The following MTCL3 variants were observed in gnomAD, a reference collection of about 807,000 sequenced individuals.
MTCL3 encodes the protein microtubule cross-linking factor 3.
At chr6:127,485,643 T>C in the MTCL3 span, among the ~76,000 whole-genome samples, 2 of 152,148 alleles carry the variant, frequency 1.3e-5, no homozygotes, top group Admixed American at 1.3e-4. Flanking sequence ...TCTTTGTGTT[T>C]CATTCATTTC....
At chr6:127,500,933 T>C in the MTCL3 span, among the ~76,000 whole-genome samples, 1 of 152,156 alleles carries the variant, frequency 6.6e-6, no homozygotes, top group African/African-American at 2.4e-5. Context: ...TGCCTCAGCC[T>C]CCCAAGTAGC....
chr6:127,502,301 T>G, the MTCL3 span, among the ~76,000 whole-genome samples: 3 of 152,262 alleles, frequency 2.0e-5, no homozygotes, highest in African/African-American at 7.2e-5. Context: ...GAAGCATATT[T>G]ATCTAGCAGT....
the MTCL3 span, among the ~76,000 whole-genome samples, chr6:127,494,886 G>A: frequency 6.6e-6 from 1 of 152,048 alleles, no homozygotes; most frequent in Non-Finnish European, 1.5e-5. Flanking sequence ...TTAAGACTGG[G>A]ATATTTCTCA....
At chr6:127,513,737 A>G in the MTCL3 span, among the ~76,000 whole-genome samples, 1 of 152,154 alleles carries the variant, frequency 6.6e-6, no homozygotes, top group East Asian at 1.9e-4. Context: ...GACTGAGTGG[A>G]GAGTCAGCCT....
At chr6:127,481,352 CAG>C in the MTCL3 span, 13 of 985,304 alleles carry the variant, frequency 1.3e-5, no homozygotes, top group South Asian at 4.2e-4. Context: ...GCTGTAGTGA[CAG>C]AGTATATTTG....
the MTCL3 span, among the ~76,000 whole-genome samples, chr6:127,507,350 G>A: frequency 6.6e-6 from 1 of 152,076 alleles, no homozygotes; most frequent in Non-Finnish European, 1.5e-5. Context: ...ATGCTGTCCT[G>A]TATTTTTATG....
the MTCL3 span, among the ~76,000 whole-genome samples, chr6:127,503,392 G>A: frequency 2.6e-5 from 4 of 152,184 alleles, no homozygotes; most frequent in African/African-American, 9.7e-5. Flanking sequence ...AGCCACTGCA[G>A]CCCTGGGGTA....
the MTCL3 span, chr6:127,473,023 GA>G: frequency 1.8e-5 from 16 of 908,456 alleles, no homozygotes; most frequent in Non-Finnish European, 2.1e-5. Context: ...CAAACAGGAT[GA>G]AAAAAAGAAG....
At chr6:127,500,875 G>T in the MTCL3 span, among the ~76,000 whole-genome samples, 1 of 152,002 alleles carries the variant, frequency 6.6e-6, no homozygotes, top group Non-Finnish European at 1.5e-5. Context: ...GCAGTGGTGC[G>T]ATCTCAGCTC....
At chr6:127,493,218 C>T in the MTCL3 span, among the ~76,000 whole-genome samples, 46,826 of 151,974 alleles carry the variant, frequency 0.31, 7,817 homozygotes, top group Middle Eastern at 0.39. Flanking sequence ...TGTAAATTTA[C>T]AGAGTTGAAG....
chr6:127,497,820 A>G, the MTCL3 span, among the ~76,000 whole-genome samples: 2 of 152,236 alleles, frequency 1.3e-5, no homozygotes, highest in African/African-American at 4.8e-5. Context: ...ATAAAATTGC[A>G]CTGAGTCAAA....
the MTCL3 span, among the ~76,000 whole-genome samples, chr6:127,507,368 G>A: frequency 6.6e-6 from 1 of 152,090 alleles, no homozygotes; most frequent in Non-Finnish European, 1.5e-5. Flanking sequence ...ATGTAAATAA[G>A]AAATTTGAAA....
At chr6:127,491,662 A>G in the MTCL3 span, among the ~76,000 whole-genome samples, 1 of 151,978 alleles carries the variant, frequency 6.6e-6, no homozygotes, top group South Asian at 2.1e-4. Flanking sequence ...AAATGGGAAT[A>G]TGTGAGTAGA....
At chr6:127,476,354 G>A in the MTCL3 span, 2 of 1,614,182 alleles carry the variant, frequency 1.2e-6, no homozygotes, top group Non-Finnish European at 1.7e-6. This position sits in a 1 kb window ranked among gnomAD's most constrained non-coding sequence, Gnocchi z 4.4. Context: ...CTGTACTTCT[G>A]GAGCTCGTGT....
At chr6:127,473,407 C>T in the MTCL3 span, 3 of 1,488,548 alleles carry the variant, frequency 2.0e-6, no homozygotes, top group African/African-American at 4.4e-5. Context: ...AAGGTAAATG[C>T]AAAGACAAAG....
At chr6:127,516,733 C>A in the MTCL3 span, 1 of 1,462,014 alleles carries the variant, frequency 6.8e-7, no homozygotes, top group Admixed American at 2.6e-5. Context: ...GAGAAGAAGA[C>A]AACATGTCTG....
At chr6:127,484,163 C>A in the MTCL3 span, among the ~76,000 whole-genome samples, 2 of 152,130 alleles carry the variant, frequency 1.3e-5, no homozygotes, top group Non-Finnish European at 2.9e-5. Context: ...CAGGAGTCTT[C>A]ATAAATTCGC....
At chr6:127,513,603 T>G in the MTCL3 span, among the ~76,000 whole-genome samples, 1 of 152,192 alleles carries the variant, frequency 6.6e-6, no homozygotes, top group Non-Finnish European at 1.5e-5. Context: ...GTCCTTGAGA[T>G]TATTATTTTT....
chr6:127,475,454 C>T, the MTCL3 span: 2 of 1,613,322 alleles, frequency 1.2e-6, no homozygotes, highest in Middle Eastern at 1.6e-4. This position sits in a 1 kb window ranked among gnomAD's most constrained non-coding sequence, Gnocchi z 7.3. Flanking sequence ...TCGTCCTCCT[C>T]GTCCATGAGT....
Sources: gnomAD v4.1 joint callset for allele counts (sites outside exome capture counted in the v4.1 genomes callset) on GRCh38, gnomAD v4.1.1 for gene constraint, Gnocchi (gnomAD v3.1) non-coding constraint, MANE v1.5 for transcripts, NCBI Gene and HGNC (gene_info 2026-07-23, HGNC 2026-07-21) for gene names.